The following TTC3 variants were observed in gnomAD, a reference collection of about 807,000 sequenced individuals.
TTC3 encodes the protein E3 ubiquitin-protein ligase TTC3.
TTC3 carries 180 observed loss-of-function variants against 249.6 expected under a neutral mutation model. The observed-to-expected ratio is 0.72, with a 90% CI of 0.64 to 0.82. TTC3 has a LOEUF of 0.82. TTC3 is among the 40% of genes least tolerant of loss of function. The pLI is 0.00. For missense variants in TTC3, 2,061 were observed against 2,398.4 expected (o/e 0.86, Z 2.94); for synonymous variants, 717 against 805.0 (o/e 0.89, Z 1.85).
chr21:37,091,881 G>A (rs371911059), intron 7 of TTC3, among the ~76,000 whole-genome samples: 8 of 152,104 alleles, frequency 5.3e-5, no homozygotes, highest in East Asian at 1.9e-4. Context: ...GTGCCTGGCC[G>A]AAAAAGAGAA....
chr21:37,124,292 T>A (rs1356595768), intron 13 of TTC3, among the ~76,000 whole-genome samples: 1 of 151,768 alleles, frequency 6.6e-6, no homozygotes, highest in Non-Finnish European at 1.5e-5. Flanking sequence ...ATTTTTGTAT[T>A]TTTAGTAGAG....
chr21:37,152,572 G>A (rs1425759430), intron 26 of TTC3, among the ~76,000 whole-genome samples: 2 of 151,952 alleles, frequency 1.3e-5, no homozygotes, highest in African/African-American at 4.8e-5. Flanking sequence ...ATTTTTAGTA[G>A]AGATGGGGTT....
At chr21:37,090,375 A>C in intron 6 of TTC3, 89 bp downstream of exon 6, 1 of 1,243,016 alleles carries the variant, frequency 8.0e-7, no homozygotes. Flanking sequence ...GGGTCCATAC[A>C]CTCAATGTTC....
At position 37,144,249 on chromosome 21, in the gene TTC3, AATAT is replaced by A. The variant is rs1293133464; in HGVS notation, c.1773-266_1773-263del. Among the ~76,000 whole-genome samples the A allele has an allele frequency of 4.6e-5, 7 of 151,054 alleles. 1 individual carries two copies. The East Asian group carries it at 1.2e-3, about 25-fold the overall frequency. The stretch of plus-strand genomic sequence containing the variant: ...CTAGAACTTAAAGTATAATAAAAAA[AATAT>A]ATATATATAAACAACAAACAACAAA... On this transcript the variant is annotated intron_variant, in intron 20 of 45. Coordinates refer to ENST00000355666, the Ensembl canonical transcript of TTC3.
chr21:37,156,688 A>T, exon 28 of TTC3: 1 of 1,613,758 alleles, frequency 6.2e-7, no homozygotes, highest in Admixed American at 1.7e-5. Flanking sequence ...TTTTCTCGTT[A>T]TGGAGCATCT....
chr21:37,095,408 T>A (rs374049069), exon 9 of TTC3: 7 of 1,607,708 alleles, frequency 4.4e-6, no homozygotes, highest in Non-Finnish European at 5.9e-6. Flanking sequence ...AGATTTGATA[T>A]AGCTATTATC....
chr21:37,190,315 T>C (rs978871585), intron 39 of TTC3, among the ~76,000 whole-genome samples: 2 of 151,874 alleles, frequency 1.3e-5, no homozygotes, highest in East Asian at 3.9e-4. Context: ...TTTGTATTTT[T>C]AGTAGAGATA....
At chr21:37,187,895 CCG>C (rs956043463) in intron 38 of TTC3, 1 of 152,232 alleles carries the variant, frequency 6.6e-6, no homozygotes, top group African/African-American at 2.4e-5. Flanking sequence ...ATTCACACCA[CCG>C]TTTGGTAAGC....
intron 45 of TTC3, among the ~76,000 whole-genome samples, chr21:37,200,969 A>G (rs1354365778): frequency 1.3e-5 from 2 of 152,254 alleles, no homozygotes; most frequent in East Asian, 3.9e-4. Context: ...ACAGGGTCTT[A>G]TATTTGGGCT....
intron 28 of TTC3, chr21:37,157,219 G>A (rs564713743): frequency 7.6e-7 from 1 of 1,322,432 alleles, no homozygotes; most frequent in African/African-American, 1.5e-5. Context: ...CTATTAGTAA[G>A]TGGTTTGATT....
chr21:37,196,171 T>C, intron 42 of TTC3, 135 bp downstream of exon 42: 3 of 1,181,336 alleles, frequency 2.5e-6, no homozygotes, highest in Non-Finnish European at 3.5e-6. Context: ...AGACAGTTGC[T>C]ACATTTCTTT....
At position 37,175,897 on chromosome 21, in the gene TTC3, G is replaced by A. The variant is rs543655255; in HGVS notation, c.4617+3153G>A. 4.7e-3 allele frequency among the ~76,000 whole-genome samples: 223 copies of A among 47,024 alleles called. 2 individuals are homozygous for A. Among genetic ancestry groups the A allele is most frequent in the African/African-American group, 0.017 (205 of 11,830 alleles). 30.8% of individuals were successfully genotyped at this position (47,024 alleles called of 152,430 possible). A position where few individuals can be genotyped will look rare whatever the true frequency, so the allele number is the denominator to read the frequency against. On this transcript the variant is annotated intron_variant, in intron 35 of 45. Transcript: ENST00000355666. ...GCATTCTCCTGCCTCAGCCTCCTGG[G>A]TAGCTGGGATTACAGGCTGCACGCC...
At chr21:37,119,039 T>G (rs2076383568) in intron 11 of TTC3, among the ~76,000 whole-genome samples, 1 of 152,228 alleles carries the variant, frequency 6.6e-6, no homozygotes, top group Admixed American at 6.5e-5. Context: ...TCAGTTGGTT[T>G]ATTTTGCTGT....
At chr21:37,135,313 G>T in intron 17 of TTC3, 67 bp from the exon 18 acceptor site, 2 of 1,495,760 alleles carry the variant, frequency 1.3e-6, no homozygotes, top group Non-Finnish European at 1.8e-6. Context: ...CTATGAACTT[G>T]GCATCTTAGG....
At chr21:37,085,066 G>A (rs2072263095) in intron 1 of TTC3, among the ~76,000 whole-genome samples, 1 of 152,128 alleles carries the variant, frequency 6.6e-6, no homozygotes, top group South Asian at 2.1e-4. Flanking sequence ...CAGTACAATT[G>A]GTGCTGTGTG....
intron 10 of TTC3, among the ~76,000 whole-genome samples, chr21:37,099,743 G>A (rs1011543955): frequency 3.3e-5 from 5 of 152,172 alleles, no homozygotes; most frequent in Non-Finnish European, 5.9e-5. Flanking sequence ...AGAGCAATTT[G>A]ACAAGGTGAA....
At chr21:37,151,320 A>T (rs2079444821) in intron 25 of TTC3, among the ~76,000 whole-genome samples, 1 of 152,090 alleles carries the variant, frequency 6.6e-6, no homozygotes. Flanking sequence ...CTAAATTATT[A>T]CTTCTCTATA....
At chr21:37,106,304 A>G (rs1266416364) in intron 10 of TTC3, among the ~76,000 whole-genome samples, 3 of 152,218 alleles carry the variant, frequency 2.0e-5, no homozygotes, top group Non-Finnish European at 4.4e-5. Context: ...TGTATTCTGA[A>G]TATGAGTCAT....
intron 16 of TTC3, among the ~76,000 whole-genome samples, chr21:37,131,836 T>G (rs1211717037): frequency 6.6e-6 from 1 of 152,226 alleles, no homozygotes; most frequent in Non-Finnish European, 1.5e-5. Flanking sequence ...ATCTACACAT[T>G]GGATGTCAGA....
Sources: gnomAD v4.1 joint callset for allele counts (sites outside exome capture counted in the v4.1 genomes callset) on GRCh38, gnomAD v4.1.1 for gene constraint, MANE v1.5 for transcripts, NCBI Gene and HGNC (gene_info 2026-07-23, HGNC 2026-07-21) for gene names.